The following RSU1 variants were observed in gnomAD, a reference collection of about 807,000 sequenced individuals.
RSU1 encodes the protein Ras suppressor protein 1.
RSU1 carries 26 observed loss-of-function variants against 31.1 expected under a neutral mutation model. The ratio of observed to expected loss-of-function variants is 0.84; its 90% CI spans 0.61 to 1.16. RSU1 has a LOEUF of 1.16. Ranked by LOEUF, RSU1 falls within the 50% of genes most tolerant of loss-of-function variation. The pLI is 0.00. For synonymous variants in RSU1, 164 were observed against 136.3 expected, an observed-to-expected ratio of 1.20 and a Z score of -1.41; for missense variants, 320 against 339.1, an observed-to-expected ratio of 0.94 and a Z score of 0.44.
At chr10:16,788,405 A>C (rs538870501) in intron 2 of RSU1, among the ~76,000 whole-genome samples, 1 of 152,256 alleles carries the variant, frequency 6.6e-6, no homozygotes, top group South Asian at 2.1e-4. Context: ...TTAGGTCATG[A>C]GGGTGGAGCC....
At chr10:16,659,530 T>C (rs113556826) in intron 8 of RSU1, among the ~76,000 whole-genome samples, 45 of 152,328 alleles carry the variant, frequency 3.0e-4, no homozygotes, top group African/African-American at 9.1e-4. Flanking sequence ...ACTCCTTCCA[T>C]TGTAAGTCAA....
At chr10:16,769,826 G>A (rs1378093947) in intron 3 of RSU1, among the ~76,000 whole-genome samples, 2 of 152,202 alleles carry the variant, frequency 1.3e-5, no homozygotes, top group Non-Finnish European at 2.9e-5. Context: ...CTGATGACAC[G>A]TGAAACAAAT....
At chr10:16,676,124 T>C (rs544391545) in intron 8 of RSU1, among the ~76,000 whole-genome samples, 3 of 152,330 alleles carry the variant, frequency 2.0e-5, no homozygotes, top group Admixed American at 6.5e-5. Flanking sequence ...CCCTTTAATA[T>C]GCATTAACAG....
chr10:16,759,428 G>A (rs1298256800), intron 4 of RSU1, among the ~76,000 whole-genome samples: 1 of 152,134 alleles, frequency 6.6e-6, no homozygotes, highest in Non-Finnish European at 1.5e-5. Flanking sequence ...GATCATTTGA[G>A]CCCAGGAGGC....
intron 8 of RSU1, among the ~76,000 whole-genome samples, chr10:16,642,256 G>A (rs577456604): frequency 4.2e-4 from 64 of 152,250 alleles, no homozygotes; most frequent in Middle Eastern, 3.4e-3. Context: ...AGGAAAAGAG[G>A]CAAGGGACAT....
In RSU1 at chr10:16,807,021, GCGC is replaced by G. The variant is rs1456423156; in HGVS notation, c.109+9949_109+9951del. Among the ~76,000 whole-genome samples, 13 of 152,312 alleles carry G rather than the reference GCGC, an allele frequency of 8.5e-5. No individual in the cohort carries two copies. In the South Asian group the frequency reaches 1.0e-3, roughly 12 times the overall value. On this transcript the variant is annotated intron_variant, in intron 2 of 8. Transcript: ENST00000345264. Reference sequence around the variant, plus strand: ...GACCCACCCACGTTGGCCTCCGGAAGCGCTGGGATTACAGCAGGCATGAGTCAG... The same window carrying G: ...GACCCACCCACGTTGGCCTCCGGAAGTGGGATTACAGCAGGCATGAGTCAG...
At chr10:16,701,449 G>C (rs756875225) in intron 7 of RSU1, among the ~76,000 whole-genome samples, 1 of 152,148 alleles carries the variant, frequency 6.6e-6, no homozygotes, top group Non-Finnish European at 1.5e-5. Flanking sequence ...TGTGGGGAAT[G>C]CAAGGCCACA....
At chr10:16,659,301 C>CTTTTTTTT (rs869035739) in intron 8 of RSU1, among the ~76,000 whole-genome samples, 193 of 100,630 alleles carry the variant, frequency 1.9e-3, no homozygotes, top group African/African-American at 4.8e-3. Context: ...AGGTTATATT[C>CTTTTTTTT]TTTTTTTTTT....
intron 8 of RSU1, among the ~76,000 whole-genome samples, chr10:16,660,517 A>G (rs1163057610): frequency 1.3e-5 from 2 of 152,050 alleles, no homozygotes; most frequent in Non-Finnish European, 2.9e-5. Context: ...ATCTTCAATC[A>G]ACATATGTTA....
chr10:16,750,915 G>A (rs993457909), intron 7 of RSU1, among the ~76,000 whole-genome samples: 2 of 151,008 alleles, frequency 1.3e-5, no homozygotes, highest in Non-Finnish European at 2.9e-5. Context: ...ACCCAGCCAG[G>A]AGTGCAGTGG....
intron 8 of RSU1, among the ~76,000 whole-genome samples, chr10:16,610,700 A>G (rs1473635017): frequency 6.6e-6 from 1 of 152,182 alleles, no homozygotes; most frequent in Non-Finnish European, 1.5e-5. Context: ...TTCATTATAC[A>G]TTACAATGTA....
rs1482812108 is a variant in RSU1 at position 16,593,134 on chromosome 10, ATT to A, written c.*258_*259del. 2 of 425,198 alleles carry A rather than the reference ATT, an allele frequency of 4.7e-6. No individual in the cohort carries two copies. The highest frequency in any genetic ancestry group is 7.8e-6 in the Non-Finnish European group (2 of 257,182). 26.3% of individuals were successfully genotyped at this position (425,198 alleles called of 1,614,324 possible). On this transcript the variant is annotated 3_prime_UTR_variant, in exon 9 of 9. Transcript: ENST00000345264. ...AAGAAAAGCCAGAGCCCACTATGGA[ATT>A]CGCAGTTGAATAAGAGCTTTGTTCC...
intron 8 of RSU1, among the ~76,000 whole-genome samples, chr10:16,662,815 T>C (rs949618048): frequency 1.3e-5 from 2 of 152,194 alleles, no homozygotes; most frequent in Non-Finnish European, 2.9e-5. Context: ...TCTCCTGCCA[T>C]TTTAAAAGTA....
chr10:16,684,494 G>C (rs970483280), intron 8 of RSU1, among the ~76,000 whole-genome samples: 10 of 152,118 alleles, frequency 6.6e-5, no homozygotes, highest in African/African-American at 2.4e-4. Context: ...CCTCACCCCG[G>C]ATAACTGATA....
chr10:16,593,761 G>A (rs1385588484), intron 8 of RSU1, among the ~76,000 whole-genome samples: 1 of 152,232 alleles, frequency 6.6e-6, no homozygotes, highest in African/African-American at 2.4e-5. Context: ...GCCCTGCTCA[G>A]CCGTTCTGGA....
chr10:16,631,970 G>A (rs1278387345), intron 8 of RSU1, among the ~76,000 whole-genome samples: 2 of 152,154 alleles, frequency 1.3e-5, no homozygotes, highest in South Asian at 2.1e-4. Context: ...GGAAGAGTCC[G>A]TAGAGTCCTG....
intron 8 of RSU1, among the ~76,000 whole-genome samples, chr10:16,676,285 G>A (rs1835230816): frequency 6.6e-6 from 1 of 152,168 alleles, no homozygotes; most frequent in African/African-American, 2.4e-5. Flanking sequence ...CTGCATGGCT[G>A]GGGAGGCTTC....
intron 4 of RSU1, among the ~76,000 whole-genome samples, chr10:16,760,860 G>GGAAATAT (rs1283933075): frequency 2.0e-5 from 3 of 151,974 alleles, no homozygotes; most frequent in Non-Finnish European, 2.9e-5. Flanking sequence ...TCTTTCATAC[G>GGAAATAT]GAAATATGAC....
chr10:16,635,167 T>C lies in RSU1; in HGVS notation c.732-41671A>G, dbSNP rs549665663. ...TGAAATACACAAATTGTGGTATACA[T>C]GTGCAATGGAATATTGGCTGCTTTT... On this transcript the variant is annotated intron_variant, in intron 8 of 8. Coordinates refer to ENST00000345264, the MANE Select transcript of RSU1 (RefSeq NM_012425.4). Among the ~76,000 whole-genome samples the C allele has an allele frequency of 1.1e-4, 16 of 152,322 alleles. No homozygotes were observed. In the South Asian group the frequency reaches 3.1e-3, roughly 30 times the overall value.
Sources: gnomAD v4.1 joint callset for allele counts (sites outside exome capture counted in the v4.1 genomes callset) on GRCh38, gnomAD v4.1.1 for gene constraint, MANE v1.5 for transcripts, NCBI Gene and HGNC (gene_info 2026-07-23, HGNC 2026-07-21) for gene names.